The following LUZP2 variants were observed in gnomAD, a reference collection of about 807,000 sequenced individuals.
LUZP2 encodes the protein leucine zipper protein 2.
LUZP2 carries 52 observed loss-of-function variants against 51.6 expected under a neutral mutation model. That is an observed-to-expected ratio of 1.01 (90% CI 0.81 to 1.27). LUZP2 has a LOEUF of 1.27. LUZP2 is among the 50% of genes most tolerant of loss of function. The pLI is 0.00. For synonymous variants in LUZP2, 154 were observed against 137.3 expected (o/e 1.12, Z -0.85); for missense variants, 436 against 395.4 (o/e 1.10, Z -0.87).
chr11:25,036,054 T>C (rs1304787522), intron 9 of LUZP2, among the ~76,000 whole-genome samples: 1 of 152,102 alleles, frequency 6.6e-6, no homozygotes, highest in African/African-American at 2.4e-5. Context: ...TCCATTCTTC[T>C]TTGTATGTCT....
At chr11:24,687,623 G>T (rs959160507) in intron 1 of LUZP2, among the ~76,000 whole-genome samples, 1 of 152,116 alleles carries the variant, frequency 6.6e-6, no homozygotes, top group African/African-American at 2.4e-5. Flanking sequence ...GTTACAAAAG[G>T]CAGAACTTAT....
intron 5 of LUZP2, among the ~76,000 whole-genome samples, chr11:24,840,604 T>C (rs1326005949): frequency 1.3e-5 from 2 of 151,892 alleles, no homozygotes; most frequent in Non-Finnish European, 2.9e-5. Flanking sequence ...GATCCATAGC[T>C]CTACTGAAAA....
intron 1 of LUZP2, among the ~76,000 whole-genome samples, chr11:24,664,795 C>G (rs993856391): frequency 6.6e-6 from 1 of 152,164 alleles, no homozygotes; most frequent in Admixed American, 6.5e-5. Flanking sequence ...GGAACCTCCA[C>G]CTAGATTTCA....
chr11:25,039,158 CTT>C (rs1192029958), intron 9 of LUZP2, among the ~76,000 whole-genome samples: 1 of 152,148 alleles, frequency 6.6e-6, no homozygotes, highest in Non-Finnish European at 1.5e-5. Flanking sequence ...GTTGTTAGAT[CTT>C]TCAGGTGTTG....
chr11:25,033,946 G>A (rs1247650481), intron 9 of LUZP2, among the ~76,000 whole-genome samples: 1 of 152,042 alleles, frequency 6.6e-6, no homozygotes, highest in Non-Finnish European at 1.5e-5. Context: ...TCTATCCCCA[G>A]TAATGGGATT....
intron 1 of LUZP2, among the ~76,000 whole-genome samples, chr11:24,639,810 A>G (rs1855222137): frequency 6.6e-6 from 1 of 151,788 alleles, no homozygotes; most frequent in Non-Finnish European, 1.5e-5. Flanking sequence ...CTACTGTAAT[A>G]TGTGGACATT....
At chr11:24,677,765 G>A (rs550655591) in intron 1 of LUZP2, among the ~76,000 whole-genome samples, 23 of 152,248 alleles carry the variant, frequency 1.5e-4, no homozygotes, top group African/African-American at 4.6e-4. Flanking sequence ...AAGACAGAGA[G>A]AGGGCGGGGT....
intron 5 of LUZP2, among the ~76,000 whole-genome samples, chr11:24,875,646 T>A (rs961159878): frequency 1.3e-5 from 2 of 150,236 alleles, no homozygotes; most frequent in Non-Finnish European, 3.0e-5. Context: ...TCAAATGGTA[T>A]TTCTAGTTCT....
intron 1 of LUZP2, among the ~76,000 whole-genome samples, chr11:24,723,193 T>C (rs1590400748): frequency 6.6e-6 from 1 of 152,288 alleles, no homozygotes; most frequent in Middle Eastern, 3.4e-3. Flanking sequence ...ATTACACCAC[T>C]ACTAGAGTTA....
chr11:24,757,825 A>G (rs1404346215), intron 4 of LUZP2, among the ~76,000 whole-genome samples: 1 of 152,008 alleles, frequency 6.6e-6, no homozygotes, highest in Non-Finnish European at 1.5e-5. Flanking sequence ...TAAATTGTAA[A>G]CAAAAGTCCT....
rs998630494 is a variant in LUZP2, at chr11:24,657,615, T to A, written c.63-71554T>A. Among the ~76,000 whole-genome samples the A allele has an allele frequency of 1.8e-3, 280 of 152,190 alleles. 2 individuals are homozygous for A. Among genetic ancestry groups the A allele is most frequent in the Admixed American group, 1.2e-3 (18 of 15,280 alleles). ...GAGAAGGAAATAAAGGGTATTCAATTAGGAAAAGAGGAAGTCAAATTGTCC... is the reference window on the plus strand; with the variant it reads ...GAGAAGGAAATAAAGGGTATTCAATAAGGAAAAGAGGAAGTCAAATTGTCC... On this transcript the variant is annotated intron_variant, in intron 1 of 11. Coordinates refer to ENST00000336930, the MANE Select transcript of LUZP2 (RefSeq NM_001009909.4).
In LUZP2 at chr11:25,051,344, A is replaced by G. The variant is rs112089436; in HGVS notation, c.858+1214A>G. 2.5e-3 allele frequency among the ~76,000 whole-genome samples: 377 copies of G among 152,232 alleles called. 1 individual carries two copies. Among genetic ancestry groups the G allele is most frequent in the African/African-American group, 8.7e-3 (363 of 41,542 alleles). On this transcript the variant is annotated intron_variant, in intron 10 of 11. Coordinates refer to ENST00000336930, the MANE Select transcript of LUZP2 (RefSeq NM_001009909.4). Reference sequence around the variant, plus strand: ...AAAAAATAAAAAAGAAAAATGAATTACTCAACAGTTTTGCCTTCAACTCTT... The same window carrying G: ...AAAAAATAAAAAAGAAAAATGAATTGCTCAACAGTTTTGCCTTCAACTCTT...
intron 1 of LUZP2, among the ~76,000 whole-genome samples, chr11:24,572,261 A>G (rs1398612359): frequency 6.6e-6 from 1 of 151,958 alleles, no homozygotes; most frequent in African/African-American, 2.4e-5. Context: ...TTTTATCCTT[A>G]TTAATTTATT....
At chr11:24,802,439 T>C (rs1415899240) in intron 5 of LUZP2, among the ~76,000 whole-genome samples, 2 of 152,078 alleles carry the variant, frequency 1.3e-5, no homozygotes, top group Non-Finnish European at 2.9e-5. Context: ...ACAGTCTGTT[T>C]TAACAGATAT....
chr11:24,871,019 A>C (rs1182571730), intron 5 of LUZP2, among the ~76,000 whole-genome samples: 1 of 152,042 alleles, frequency 6.6e-6, no homozygotes, highest in African/African-American at 2.4e-5. Flanking sequence ...TGGAATTCTC[A>C]CTTTCTACAT....
chr11:24,852,824 T>C (rs1003605069), intron 5 of LUZP2, among the ~76,000 whole-genome samples: 1 of 152,198 alleles, frequency 6.6e-6, no homozygotes, highest in African/African-American at 2.4e-5. Flanking sequence ...TACCATTATG[T>C]AATGCCCTTC....
intron 5 of LUZP2, among the ~76,000 whole-genome samples, chr11:24,840,359 C>A (rs536902973): frequency 9.9e-5 from 15 of 151,800 alleles, no homozygotes; most frequent in Non-Finnish European, 1.8e-4. Context: ...TGACACGTAC[C>A]AGATGGTTTT....
At chr11:24,721,897 A>C (rs2133952399) in intron 1 of LUZP2, among the ~76,000 whole-genome samples, 1 of 152,316 alleles carries the variant, frequency 6.6e-6, no homozygotes, top group Non-Finnish European at 1.5e-5. Flanking sequence ...ACTTTTATAA[A>C]GCTTTAATAA....
intron 10 of LUZP2, among the ~76,000 whole-genome samples, chr11:25,059,383 TAAAC>T (rs1421684406): frequency 2.0e-5 from 3 of 152,156 alleles, no homozygotes; most frequent in Non-Finnish European, 4.4e-5. Context: ...TAATTAAAAA[TAAAC>T]AAAAAGCAAA....
Sources: gnomAD v4.1 joint callset for allele counts (sites outside exome capture counted in the v4.1 genomes callset) on GRCh38, gnomAD v4.1.1 for gene constraint, MANE v1.5 for transcripts, NCBI Gene and HGNC (gene_info 2026-07-23, HGNC 2026-07-21) for gene names.